FILIP1L: variants seen among roughly 807,000 people sequenced by gnomAD.
The protein encoded by FILIP1L is filamin A-interacting protein 1-like.
Under a neutral mutation model 96.6 loss-of-function variants are expected in FILIP1L, and 55 were observed. That is an observed-to-expected ratio of 0.57 (90% CI 0.46 to 0.71). The LOEUF (loss-of-function observed/expected upper bound fraction) is 0.71, where lower values mean the gene tolerates loss of function less well. Among genes scored for constraint, FILIP1L ranks in the 30% least tolerant of loss-of-function variants. The pLI, the probability that FILIP1L is intolerant of heterozygous loss-of-function variation, is 0.00. For missense variants in FILIP1L, 1,304 were observed against 1,321.2 expected, an observed-to-expected ratio of 0.99 and a Z score of 0.20; for synonymous variants, 467 against 473.9, an observed-to-expected ratio of 0.99 and a Z score of 0.19.
chr3:99,976,266 A>G (rs1365209191), intron 1 of FILIP1L, among the ~76,000 whole-genome samples: 1 of 152,230 alleles, frequency 6.6e-6, no homozygotes, highest in Non-Finnish European at 1.5e-5. Context: ...TGAGGAGAGT[A>G]AAAAGATACT....
chr3:100,004,763 G>A (rs563344654), intron 1 of FILIP1L, among the ~76,000 whole-genome samples: 19 of 152,290 alleles, frequency 1.2e-4, no homozygotes, highest in African/African-American at 4.6e-4. Flanking sequence ...GTGGAAGCAC[G>A]TAATGTCATC....
chr3:100,063,651 T>A (rs1342581620), intron 1 of FILIP1L, among the ~76,000 whole-genome samples: 1 of 152,218 alleles, frequency 6.6e-6, no homozygotes, highest in Non-Finnish European at 1.5e-5. Context: ...TCTGGGGACT[T>A]GACTTTTCAT....
chr3:99,879,226 C>T (rs186910109), intron 4 of FILIP1L, among the ~76,000 whole-genome samples: 49 of 152,080 alleles, frequency 3.2e-4, no homozygotes, highest in African/African-American at 1.2e-3. Flanking sequence ...CTTTCTAATG[C>T]GGGAGAAGGG....
chr3:100,013,377 G>A (rs1710223590), intron 1 of FILIP1L, among the ~76,000 whole-genome samples: 6 of 151,986 alleles, frequency 3.9e-5, no homozygotes, highest in Non-Finnish European at 1.5e-5. Context: ...CTGAGTAGCT[G>A]GGATTACAGT....
At position 99,848,600 on chromosome 3, in the gene FILIP1L, T is replaced by C. The variant is rs1206677113; in HGVS notation, c.3076A>G (p.Ser1026Gly). The change falls in exon 5 of 6, where the codon AGT becomes GGT. Residue 1026 changes from serine to glycine, a missense_variant. Ser to Gly is a moderately conservative substitution (Grantham distance 56). Coordinates refer to ENST00000477258, the MANE Select transcript of FILIP1L (RefSeq NM_001387850.1). ...QGRSPEPTEISAKHAIFRVSP... is the reference protein window; with the variant it reads ...QGRSPEPTEIGAKHAIFRVSP... The stretch of plus-strand genomic sequence containing the variant: ...ACTCTGAATATCGCATGCTTGGCAC[T>C]GATTTCTGTTGGTTCTGGGGAGCGT... 6.8e-6 allele frequency: 11 copies of C among 1,614,064 alleles called. No homozygotes were observed. The highest frequency in any genetic ancestry group is 1.3e-5 in the African/African-American group (1 of 74,924).
At chr3:100,073,635 G>A (rs147375349) in intron 1 of FILIP1L, among the ~76,000 whole-genome samples, 140 of 152,220 alleles carry the variant, frequency 9.2e-4, no homozygotes, top group African/African-American at 3.2e-3. Context: ...CCTCAAAGAA[G>A]GCCAGGAAGT....
intron 4 of FILIP1L, chr3:99,876,006 G>GTCT (rs1559671779): frequency 5.2e-6 from 5 of 970,278 alleles, no homozygotes; most frequent in African/African-American, 1.8e-5. Flanking sequence ...GCCACCCACA[G>GTCT]ACTTGCTACC....
At chr3:100,057,703 G>A (rs377150753) in intron 1 of FILIP1L, among the ~76,000 whole-genome samples, 19 of 152,112 alleles carry the variant, frequency 1.2e-4, no homozygotes, top group African/African-American at 4.1e-4. Flanking sequence ...CTGCTTGCCC[G>A]GGTGTTTCAT....
Position 99,850,516 on chromosome 3 carries a change from T to C in FILIP1L, c.1160A>G (p.Glu387Gly). 2.5e-6 allele frequency: 4 copies of C among 1,613,210 alleles called. No homozygotes were observed. The highest frequency in any genetic ancestry group is 2.7e-5 in the African/African-American group (2 of 74,864). The change falls in exon 5 of 6, where the codon GAA becomes GGA. Residue 387 changes from glutamate (E) to glycine (G), a missense_variant. By Grantham distance (98) the Glu-to-Gly change is moderately conservative. Transcript: ENST00000477258. ...CTGCTCCTCCATTTTTATGAGCTCT[T>C]CATCTTTCCCTTCCATATCTAGCAC... ...KRVLDMEGKD[E>G]ELIKMEEQCR...
At chr3:100,033,070 A>G (rs879587198) in intron 1 of FILIP1L, among the ~76,000 whole-genome samples, 8 of 152,162 alleles carry the variant, frequency 5.3e-5, no homozygotes, top group Non-Finnish European at 8.8e-5. Flanking sequence ...ACCAAAAAAA[A>G]AAAAGAATTC....
At chr3:100,016,526 G>C (rs1710345258) in intron 1 of FILIP1L, among the ~76,000 whole-genome samples, 1 of 152,170 alleles carries the variant, frequency 6.6e-6, no homozygotes, top group African/African-American at 2.4e-5. Flanking sequence ...TGGCTGTGAA[G>C]ACTGGCAGAC....
intron 1 of FILIP1L, among the ~76,000 whole-genome samples, chr3:100,095,848 A>G (rs2066197225): frequency 6.6e-6 from 1 of 152,218 alleles, no homozygotes; most frequent in Non-Finnish European, 1.5e-5. Context: ...ACAGAACGGG[A>G]GAAAATATTT....
At chr3:100,043,753 GAATC>G (rs1329130737) in intron 1 of FILIP1L, among the ~76,000 whole-genome samples, 16 of 152,252 alleles carry the variant, frequency 1.1e-4, no homozygotes, top group Admixed American at 5.2e-4. Context: ...ATTATAGAAA[GAATC>G]AATCAAGCTA....
At chr3:100,104,320 A>G (rs1559758820) in intron 1 of FILIP1L, among the ~76,000 whole-genome samples, 1 of 152,218 alleles carries the variant, frequency 6.6e-6, no homozygotes, top group East Asian at 1.9e-4. Flanking sequence ...CCAAGATGAC[A>G]TAGCTGTGGT....
chr3:99,873,939 A>C (rs894412467), intron 4 of FILIP1L, among the ~76,000 whole-genome samples: 1 of 152,236 alleles, frequency 6.6e-6, no homozygotes, highest in Admixed American at 6.5e-5. Flanking sequence ...AGAAATTCAC[A>C]TTCATTCTAT....
chr3:99,917,582 C>G (rs939690307), intron 4 of FILIP1L, among the ~76,000 whole-genome samples: 3 of 152,098 alleles, frequency 2.0e-5, no homozygotes, highest in Admixed American at 2.0e-4. Flanking sequence ...ATTGCTAGGT[C>G]TTTTCTAGCT....
intron 1 of FILIP1L, among the ~76,000 whole-genome samples, chr3:100,052,825 AAATT>A (rs1559740592): frequency 6.6e-6 from 1 of 152,246 alleles, no homozygotes; most frequent in Non-Finnish European, 1.5e-5. Flanking sequence ...AGTTATAAAT[AAATT>A]CATATTTGAT....
chr3:100,036,171 G>A (rs2065103736), intron 1 of FILIP1L, among the ~76,000 whole-genome samples: 1 of 152,128 alleles, frequency 6.6e-6, no homozygotes, highest in South Asian at 2.1e-4. Flanking sequence ...AAATTTCCTA[G>A]CTCTGTCAAC....
At chr3:99,844,256 G>A (rs962040679) in intron 5 of FILIP1L, among the ~76,000 whole-genome samples, 5 of 152,126 alleles carry the variant, frequency 3.3e-5, no homozygotes, top group African/African-American at 7.2e-5. Context: ...TGGGCCCTAC[G>A]CCCCCAGAGG....
Sources: allele counts gnomAD v4.1 joint callset (sites outside exome capture counted in the v4.1 genomes callset), GRCh38; gene constraint gnomAD v4.1.1; transcripts MANE v1.5; gene names NCBI Gene and HGNC (gene_info 2026-07-23, HGNC 2026-07-21).